The following R3HDM1 variants were observed in gnomAD, a reference collection of about 807,000 sequenced individuals.
The protein encoded by R3HDM1 is R3H domain containing 1, also known as R3H domain-containing protein 1.
In R3HDM1, 46 loss-of-function variants were observed where a neutral mutation model predicts 141.1. That is an observed-to-expected ratio of 0.33 (90% CI 0.26 to 0.42). The LOEUF (loss-of-function observed/expected upper bound fraction) is 0.42. Among genes scored for constraint, R3HDM1 ranks in the 10% least tolerant of loss-of-function variants. The probability of loss-of-function intolerance (pLI) is 1.00; values close to 1 mark genes in which losing one functional copy is unlikely to be tolerated. For synonymous variants in R3HDM1, 435 were observed against 472.9 expected, an observed-to-expected ratio of 0.92 and a Z score of 1.04; for missense variants, 1,184 against 1,368.3, an observed-to-expected ratio of 0.87 and a Z score of 2.12.
intron 1 of R3HDM1, among the ~76,000 whole-genome samples, chr2:135,563,627 C>T (rs73956744): frequency 0.093 from 14,167 of 152,094 alleles, 914 homozygotes; most frequent in South Asian, 0.31. Flanking sequence ...GACCAGGGTG[C>T]GGTAAATACC....
intron 1 of R3HDM1, chr2:135,550,078 C>T: frequency 1.0e-6 from 1 of 984,678 alleles, no homozygotes; most frequent in East Asian, 1.1e-4. Context: ...TCTGGAATGT[C>T]TTTTCCAGCT....
intron 1 of R3HDM1, among the ~76,000 whole-genome samples, chr2:135,570,612 C>T (rs1324004932): frequency 6.6e-6 from 1 of 152,212 alleles, no homozygotes; most frequent in African/African-American, 2.4e-5. Context: ...ATCAGTTCCC[C>T]TTTACAACTG....
At chr2:135,605,532 G>T (rs2059974770) in intron 3 of R3HDM1, 1 of 152,132 alleles carries the variant, frequency 6.6e-6, no homozygotes, top group Non-Finnish European at 1.5e-5. Flanking sequence ...CTAATTCCAG[G>T]CATAAATGGA....
intron 23 of R3HDM1, among the ~76,000 whole-genome samples, chr2:135,712,163 T>C (rs1040953052): frequency 6.6e-6 from 1 of 152,054 alleles, no homozygotes; most frequent in African/African-American, 2.4e-5. Context: ...TACTTGAAAT[T>C]TTATAGAATT....
Position 135,610,805 on chromosome 2 carries a change from T to C in R3HDM1, c.172-5347T>C, listed in dbSNP as rs561488617. Among the ~76,000 whole-genome samples, 6 of 152,250 alleles carry C rather than the reference T, an allele frequency of 3.9e-5. No homozygotes were observed. The South Asian group carries it at 1.2e-3, about 32-fold the overall frequency. ...AATAATCTTAGCTATTTCCTGTTTG[T>C]CAAACAAAGATTAAAAGCATGTATG... On this transcript the variant is annotated intron_variant, in intron 3 of 26. Coordinates refer to ENST00000683871, the MANE Select transcript of R3HDM1 (RefSeq NM_001378107.1).
chr2:135,570,819 T>C (rs1703938165), intron 1 of R3HDM1, among the ~76,000 whole-genome samples: 1 of 152,250 alleles, frequency 6.6e-6, no homozygotes, highest in African/African-American at 2.4e-5. Flanking sequence ...TGCTCTTTTA[T>C]TTAGCTTTGT....
At chr2:135,653,931 T>C (rs2065456669) in intron 18 of R3HDM1, among the ~76,000 whole-genome samples, 1 of 152,206 alleles carries the variant, frequency 6.6e-6, no homozygotes, top group Non-Finnish European at 1.5e-5. Context: ...CAGGGTTCTT[T>C]TGTGGGGCAG....
At chr2:135,686,775 ATTAT>A (rs1401554087) in intron 21 of R3HDM1, among the ~76,000 whole-genome samples, 1 of 152,204 alleles carries the variant, frequency 6.6e-6, no homozygotes, top group Non-Finnish European at 1.5e-5. Context: ...GTAATGGAAC[ATTAT>A]TTAGCCTTTA....
chr2:135,664,318 A>C (rs1259352016), intron 19 of R3HDM1, among the ~76,000 whole-genome samples: 1 of 152,160 alleles, frequency 6.6e-6, no homozygotes, highest in Non-Finnish European at 1.5e-5. Flanking sequence ...TTTCTTGTCA[A>C]ACAACACTTG....
intron 18 of R3HDM1, among the ~76,000 whole-genome samples, chr2:135,655,863 GC>G (rs1439391656): frequency 2.0e-5 from 3 of 152,050 alleles, no homozygotes; most frequent in African/African-American, 7.2e-5. Flanking sequence ...TTGAGAATGG[GC>G]TTTTCTGTTT....
intron 1 of R3HDM1, among the ~76,000 whole-genome samples, chr2:135,542,144 A>G (rs540106117): frequency 6.6e-6 from 1 of 152,316 alleles, no homozygotes; most frequent in East Asian, 1.9e-4. Flanking sequence ...TCAGGTGTGG[A>G]ATTTTCTACT....
chr2:135,678,480 G>T (rs1048062641), intron 20 of R3HDM1, among the ~76,000 whole-genome samples: 1 of 151,730 alleles, frequency 6.6e-6, no homozygotes, highest in Non-Finnish European at 1.5e-5. Flanking sequence ...TGGCGCAGTG[G>T]CTCATGCCTG....
In R3HDM1 at chr2:135,693,093, A is replaced by G. The variant is rs1575063107; in HGVS notation, c.2459+12769A>G. Among the ~76,000 whole-genome samples, 3 of 152,350 alleles carry G rather than the reference A, an allele frequency of 2.0e-5. No individual in the cohort carries two copies. In the South Asian group the frequency reaches 6.2e-4, roughly 32 times the overall value. ...AATTGTGGATTCTATTTAGGTATTTATATAACAAGGGGAAAAATAAGTTTC... is the reference window on the plus strand; with the variant it reads ...AATTGTGGATTCTATTTAGGTATTTGTATAACAAGGGGAAAAATAAGTTTC... On this transcript the variant is annotated intron_variant, in intron 21 of 26. Coordinates refer to ENST00000683871, the MANE Select transcript of R3HDM1 (RefSeq NM_001378107.1).
In R3HDM1 at chr2:135,613,362, C is replaced by T. The variant is rs140295176; in HGVS notation, c.172-2790C>T. 6.4e-4 allele frequency among the ~76,000 whole-genome samples: 97 copies of T among 152,276 alleles called. 1 individual carries two copies. Among genetic ancestry groups the T allele is most frequent in the Non-Finnish European group, 9.3e-4 (63 of 68,024 alleles). On this transcript the variant is annotated intron_variant, in intron 3 of 26. Coordinates refer to ENST00000683871, the MANE Select transcript of R3HDM1 (RefSeq NM_001378107.1). Reference sequence around the variant, plus strand: ...GCCCCTCTATCTTCAAAGCCATCAACGATATGTCGAGTCCTTCTCACGCTT... The same window carrying T: ...GCCCCTCTATCTTCAAAGCCATCAATGATATGTCGAGTCCTTCTCACGCTT...
At chr2:135,539,073 T>G (rs1696880137) in intron 1 of R3HDM1, among the ~76,000 whole-genome samples, 1 of 152,194 alleles carries the variant, frequency 6.6e-6, no homozygotes, top group African/African-American at 2.4e-5. Flanking sequence ...CGGAAGGTCT[T>G]CAGAGACAAT....
chr2:135,696,740 C>G (rs1335032147), intron 21 of R3HDM1, among the ~76,000 whole-genome samples: 5 of 152,202 alleles, frequency 3.3e-5, no homozygotes, highest in Non-Finnish European at 7.3e-5. Context: ...ATCCTCCCAC[C>G]TCAGTCTCCC....
chr2:135,621,397 C>A, intron 5 of R3HDM1, 97 bp from the exon 6 acceptor site: 1 of 650,366 alleles, frequency 1.5e-6, no homozygotes, highest in Non-Finnish European at 2.3e-6. Context: ...AATCTTTTTC[C>A]TCTGTACAAT....
intron 1 of R3HDM1, among the ~76,000 whole-genome samples, chr2:135,577,885 CTCA>C: frequency 6.7e-6 from 1 of 150,206 alleles, no homozygotes; most frequent in East Asian, 2.0e-4. Flanking sequence ...GACGCCATTT[CTCA>C]TCTACCAGAT....
chr2:135,599,927 A>G (rs963803206), intron 1 of R3HDM1, among the ~76,000 whole-genome samples: 29 of 151,900 alleles, frequency 1.9e-4, no homozygotes, highest in African/African-American at 7.0e-4. Context: ...GCAGTTACTC[A>G]GGAGGCCGGA....
Sources: allele counts gnomAD v4.1 joint callset (sites outside exome capture counted in the v4.1 genomes callset), GRCh38; gene constraint gnomAD v4.1.1; transcripts MANE v1.5; gene names NCBI Gene and HGNC (gene_info 2026-07-23, HGNC 2026-07-21).